Variants in RP1 observed in about 807,000 individuals in gnomAD.
The protein encoded by RP1 is oxygen-regulated protein 1.
RP1 carries 16 observed loss-of-function variants against 14.8 expected under a neutral mutation model. The observed-to-expected ratio is 1.08, with a 90% confidence interval of 0.73 to 1.65. RP1 has a LOEUF of 1.65. Ranked by LOEUF, RP1 falls within the 40% of genes most tolerant of loss-of-function variation. The pLI, the probability that RP1 is intolerant of heterozygous loss-of-function variation, is 0.00. For synonymous variants in RP1, 876 were observed against 883.6 expected, an observed-to-expected ratio of 0.99 and a Z score of 0.15; for missense variants, 2,631 against 2,535.0, an observed-to-expected ratio of 1.04 and a Z score of -0.81.
rs184945371 is a variant in RP1 at position 54,703,084 on chromosome 8, T to C, written c.1998+1422T>C. 8.7e-4 allele frequency among the ~76,000 whole-genome samples: 133 copies of C among 152,266 alleles called. 2 individuals are homozygous for C. The highest frequency in any genetic ancestry group is 2.7e-3 in the African/African-American group (114 of 41,552). ...GGTTTCAAATCAAATTCTTTCAAAC[T>C]CCTGTTAATGTTGAGATTTTGACCT... On this transcript the variant is annotated intron_variant, in intron 14 of 22. Transcript: ENST00000636932.
chr8:54,615,171 C>G (rs439532), upstream of RP1, among the ~76,000 whole-genome samples: 185 of 152,318 alleles, frequency 1.2e-3, no homozygotes, highest in Non-Finnish European at 2.0e-3. Flanking sequence ...CACTCTTTCT[C>G]TTTCTCCCCA....
intron 22 of RP1, among the ~76,000 whole-genome samples, chr8:54,759,301 G>A (rs1014343274): frequency 6.6e-6 from 1 of 152,004 alleles, no homozygotes; most frequent in Non-Finnish European, 1.5e-5. Flanking sequence ...TTATTACCAC[G>A]ATGTTGTGTG....
rs1036936361 is a variant in RP1, at chr8:54,755,702, G to T, written c.3025G>T (p.Glu1009Ter). 1.3e-6 allele frequency: 2 copies of T among 1,535,802 alleles called. No individual in the cohort carries two copies. Among genetic ancestry groups the T allele is most frequent in the South Asian group, 2.4e-5 (2 of 84,028 alleles). ...TGAGGTTTTCCTCTGTCTCTTTGGGGAGAGGGGAGACTCTGGCCTCAGACA... is the reference window on the plus strand; with the variant it reads ...TGAGGTTTTCCTCTGTCTCTTTGGGTAGAGGGGAGACTCTGGCCTCAGACA... The change falls in exon 21 of 23, where the codon GAG becomes TAG. Residue 1009 changes from glutamate to a stop codon, truncating the protein, a stop_gained. Transcript: ENST00000636932. LOFTEE classifies it high-confidence loss of function.
intron 27 of RP1, among the ~76,000 whole-genome samples, chr8:54,858,678 C>T (rs574731592): frequency 4.1e-4 from 62 of 152,008 alleles, no homozygotes; most frequent in Middle Eastern, 3.4e-3. Context: ...GGAGCAGTGT[C>T]ACTGTAGAGT....
intron 19 of RP1, among the ~76,000 whole-genome samples, chr8:54,747,664 C>T (rs540226754): frequency 6.6e-6 from 1 of 152,280 alleles, no homozygotes; most frequent in African/African-American, 2.4e-5. Context: ...ACTTTGGGAG[C>T]CCAAGGCCAG....
intron 25 of RP1, among the ~76,000 whole-genome samples, chr8:54,849,043 G>A (rs1191731380): frequency 2.0e-5 from 3 of 152,018 alleles, no homozygotes; most frequent in Admixed American, 6.6e-5. Flanking sequence ...GCTACTGCAC[G>A]TGGCCTAGGA....
intron 24 of RP1, among the ~76,000 whole-genome samples, chr8:54,816,837 C>T (rs1031973592): frequency 2.0e-5 from 3 of 152,114 alleles, no homozygotes; most frequent in Non-Finnish European, 2.9e-5. Flanking sequence ...TCCCCCAGGT[C>T]CCAACAGCCC....
At chr8:54,606,906 A>C (rs1805460325) in intron 1 of RP1, among the ~76,000 whole-genome samples, 2 of 152,026 alleles carry the variant, frequency 1.3e-5, no homozygotes, top group African/African-American at 4.8e-5. Context: ...AGGTCCTTTA[A>C]GGACTTCTCT....
At chr8:54,829,684 C>T (rs1424449899) in intron 24 of RP1, among the ~76,000 whole-genome samples, 2 of 152,020 alleles carry the variant, frequency 1.3e-5, no homozygotes, top group African/African-American at 2.4e-5. Flanking sequence ...ACAGAAAGAT[C>T]AACAAATGTC....
intron 22 of RP1, among the ~76,000 whole-genome samples, chr8:54,761,609 C>A (rs1229995229): frequency 2.6e-5 from 4 of 152,054 alleles, no homozygotes; most frequent in Admixed American, 6.6e-5. Context: ...TAAGTGATAG[C>A]TTAATTATTA....
intron 7 of RP1, among the ~76,000 whole-genome samples, chr8:54,664,208 T>C (rs1408597282): frequency 6.6e-6 from 1 of 152,164 alleles, no homozygotes. Flanking sequence ...TGTTATAGCA[T>C]GTGACAGTAT....
intron 1 of RP1, among the ~76,000 whole-genome samples, chr8:54,600,468 C>G (rs897604703): frequency 6.6e-6 from 1 of 151,942 alleles, no homozygotes; most frequent in African/African-American, 2.4e-5. Context: ...TTTGGGCAGA[C>G]CCATTACTGC....
At position 54,682,377 on chromosome 8, in the gene RP1, T is replaced by A. The variant is rs1178615981; in HGVS notation, c.1717+2444T>A. ...CCTAGGTTATTAGTGGGAATGTAAATTAGTTCAACCATTGTGGAAATCAGT... is the reference window on the plus strand; with the variant it reads ...CCTAGGTTATTAGTGGGAATGTAAAATAGTTCAACCATTGTGGAAATCAGT... On this transcript the variant is annotated intron_variant, in intron 12 of 22. Transcript: ENST00000636932. 2.6e-5 allele frequency among the ~76,000 whole-genome samples: 4 copies of A among 152,084 alleles called. No individual in the cohort carries two copies. The South Asian group carries it at 8.3e-4, about 32-fold the overall frequency.
At chr8:54,765,930 C>T (rs1183214944) in intron 22 of RP1, among the ~76,000 whole-genome samples, 1 of 151,952 alleles carries the variant, frequency 6.6e-6, no homozygotes, top group Non-Finnish European at 1.5e-5. Context: ...TCATAAATTT[C>T]TCTTTATTTT....
intron 8 of RP1, among the ~76,000 whole-genome samples, chr8:54,674,618 A>G (rs1807254221): frequency 6.6e-6 from 1 of 152,046 alleles, no homozygotes; most frequent in South Asian, 2.1e-4. Flanking sequence ...CAAGATTGTT[A>G]CACAAATACA....
intron 24 of RP1, among the ~76,000 whole-genome samples, chr8:54,814,322 A>C (rs1451457996): frequency 6.6e-6 from 1 of 152,200 alleles, no homozygotes; most frequent in Non-Finnish European, 1.5e-5. Flanking sequence ...CTTAAAGTGG[A>C]TATCTGCAGA....
At chr8:54,717,035 A>C (rs964292001) in intron 15 of RP1, among the ~76,000 whole-genome samples, 5 of 151,826 alleles carry the variant, frequency 3.3e-5, no homozygotes, top group African/African-American at 1.2e-4. Context: ...AATCGGATGC[A>C]CCTCTCTTCT....
At chr8:54,839,521 C>T (rs931673157) in intron 25 of RP1, among the ~76,000 whole-genome samples, 5 of 152,140 alleles carry the variant, frequency 3.3e-5, no homozygotes, top group African/African-American at 7.2e-5. Flanking sequence ...CTAATGACTC[C>T]GCCTCTTCTG....
chr8:54,737,536 C>G lies in RP1; in HGVS notation c.2722-1407C>G, dbSNP rs549890752. Among the ~76,000 whole-genome samples, 3 of 152,284 alleles carry G rather than the reference C, an allele frequency of 2.0e-5. No homozygotes were observed. In the East Asian group the frequency reaches 5.8e-4, roughly 29 times the overall value. ...ACTGGAGGATAACTTCCTGCTTCCT[C>G]TGGGAGGAAGAGCTAGCCTCTGAGT... On this transcript the variant is annotated intron_variant, in intron 18 of 22. Transcript: ENST00000636932.
Sources: allele counts gnomAD v4.1 joint callset (sites outside exome capture counted in the v4.1 genomes callset), GRCh38; gene constraint gnomAD v4.1.1; transcripts MANE v1.5; gene names NCBI Gene and HGNC (gene_info 2026-07-23, HGNC 2026-07-21).